PSMA1: variants seen among roughly 807,000 people sequenced by gnomAD.
The protein encoded by PSMA1 is proteasome subunit alpha type-1.
In PSMA1, 3 loss-of-function variants were observed where a neutral mutation model predicts 38.4. That is an observed-to-expected ratio of 0.08 (90% confidence interval 0.04 to 0.20). The LOEUF (loss-of-function observed/expected upper bound fraction) is 0.20. Among genes scored for constraint, PSMA1 ranks in the 10% least tolerant of loss-of-function variants. The pLI, the probability that PSMA1 is intolerant of heterozygous loss-of-function variation, is 1.00. For missense variants in PSMA1, 227 were observed against 325.3 expected, an observed-to-expected ratio of 0.70 and a Z score of 2.32; for synonymous variants, 101 against 107.1, an observed-to-expected ratio of 0.94 and a Z score of 0.35.
chr11:14,594,734 A>G (rs1308112800), intron 2 of PSMA1, among the ~76,000 whole-genome samples: 1 of 152,124 alleles, frequency 6.6e-6, no homozygotes, highest in Non-Finnish European at 1.5e-5. Flanking sequence ...ATATGGGTCT[A>G]CTTATGGGTT....
At chr11:14,614,517 C>T (rs887356429) in intron 1 of PSMA1, among the ~76,000 whole-genome samples, 2 of 152,108 alleles carry the variant, frequency 1.3e-5, no homozygotes, top group African/African-American at 4.8e-5. Context: ...TGTTAGTGAT[C>T]CATAGGCATA....
chr11:14,605,328 C>G (rs2134195753), intron 2 of PSMA1, among the ~76,000 whole-genome samples: 1 of 152,204 alleles, frequency 6.6e-6, no homozygotes, highest in South Asian at 2.1e-4. Flanking sequence ...TCATGTTTCC[C>G]AGCCACTTCT....
chr11:14,633,968 A>C (rs531899340), intron 1 of PSMA1, among the ~76,000 whole-genome samples: 1 of 152,144 alleles, frequency 6.6e-6, no homozygotes, highest in Non-Finnish European at 1.5e-5. Flanking sequence ...GCGCTTCCCA[A>C]GTGAGGCAAT....
At chr11:14,519,975 A>T in intron 1 of PSMA1, 1 of 414,480 alleles carries the variant, frequency 2.4e-6, no homozygotes, top group Non-Finnish European at 4.4e-6. Flanking sequence ...CCTCTCCCAT[A>T]CACAGCACTA....
At chr11:14,574,673 G>A (rs1056569859) in intron 2 of PSMA1, among the ~76,000 whole-genome samples, 1 of 152,104 alleles carries the variant, frequency 6.6e-6, no homozygotes, top group African/African-American at 2.4e-5. Flanking sequence ...GGCTTTTCCT[G>A]CTTTGGTCAG....
At chr11:14,612,031 G>C (rs1210675716) in intron 1 of PSMA1, among the ~76,000 whole-genome samples, 1 of 152,170 alleles carries the variant, frequency 6.6e-6, no homozygotes, top group East Asian at 1.9e-4. Context: ...CCCCAAAATT[G>C]TAAGTGCATC....
At chr11:14,641,596 T>G (rs988034378) in intron 1 of PSMA1, among the ~76,000 whole-genome samples, 1 of 152,210 alleles carries the variant, frequency 6.6e-6, no homozygotes, top group African/African-American at 2.4e-5. Flanking sequence ...ATTGAAAGAG[T>G]TGGGCTTGTA....
At chr11:14,510,053 G>C (rs1399320047) in intron 8 of PSMA1, among the ~76,000 whole-genome samples, 1 of 152,160 alleles carries the variant, frequency 6.6e-6, no homozygotes, top group Non-Finnish European at 1.5e-5. Context: ...CAAACAGAGT[G>C]ACTGTTTTAA....
intron 2 of PSMA1, among the ~76,000 whole-genome samples, chr11:14,599,062 G>A (rs575475124): frequency 6.6e-6 from 1 of 152,170 alleles, no homozygotes; most frequent in Admixed American, 6.5e-5. Flanking sequence ...GTTGAATATT[G>A]GCCCCCATTC....
At chr11:14,507,463 G>C (rs1851263651) in intron 9 of PSMA1, 193 bp downstream of exon 9, 2 of 503,556 alleles carry the variant, frequency 4.0e-6, no homozygotes, top group African/African-American at 2.0e-5. Flanking sequence ...ACCGCACCCG[G>C]CCCCCTTTTT....
intron 9 of PSMA1, 98 bp from the exon 10 acceptor site, chr11:14,505,346 G>A: frequency 9.8e-7 from 1 of 1,018,972 alleles, no homozygotes; most frequent in South Asian, 1.3e-5. Context: ...TTGAGAAAAA[G>A]GGGTAAAGAG....
At chr11:14,603,506 C>T (rs544914522) in intron 2 of PSMA1, among the ~76,000 whole-genome samples, 4 of 152,122 alleles carry the variant, frequency 2.6e-5, no homozygotes, top group South Asian at 4.1e-4. Flanking sequence ...TTATTGCACC[C>T]GATGAGTCCA....
intron 2 of PSMA1, among the ~76,000 whole-genome samples, chr11:14,556,896 A>C (rs1380453271): frequency 2.0e-5 from 3 of 152,166 alleles, no homozygotes; most frequent in African/African-American, 7.2e-5. Flanking sequence ...GGTACAGTGG[A>C]GCAATCATGG....
intron 2 of PSMA1, among the ~76,000 whole-genome samples, chr11:14,535,466 G>A (rs1431311736): frequency 1.4e-5 from 2 of 144,460 alleles, no homozygotes; most frequent in Admixed American, 7.0e-5. Flanking sequence ...TTTTTGAGAC[G>A]GAGTTTTGCT....
intron 2 of PSMA1, among the ~76,000 whole-genome samples, chr11:14,589,541 T>C (rs1852387796): frequency 6.6e-6 from 1 of 151,856 alleles, no homozygotes; most frequent in Non-Finnish European, 1.5e-5. Context: ...ATCTCTGTAC[T>C]GTTACTCCCC....
At chr11:14,583,706 A>T (rs1172334665) in intron 2 of PSMA1, among the ~76,000 whole-genome samples, 1 of 152,226 alleles carries the variant, frequency 6.6e-6, no homozygotes, top group African/African-American at 2.4e-5. Flanking sequence ...GTTAGGCAGC[A>T]ATTATAAAAG....
chr11:14,593,843 T>C (rs1565053295), intron 2 of PSMA1, among the ~76,000 whole-genome samples: 1 of 152,214 alleles, frequency 6.6e-6, no homozygotes, highest in African/African-American at 2.4e-5. Context: ...ATTCTCTTTC[T>C]TCCTCTTTTC....
At chr11:14,524,109 CAAAAAAAAAAA>C (rs71044009), upstream of PSMA1, among the ~76,000 whole-genome samples, 1 of 54,204 alleles carries the variant, frequency 1.8e-5, no homozygotes, top group East Asian at 6.0e-4. Flanking sequence ...GACCCTGTCT[CAAAAAAAAAAA>C]AAAAAAAAAA....
chr11:14,588,135 C>A (rs1030854019), intron 2 of PSMA1, among the ~76,000 whole-genome samples: 1 of 152,182 alleles, frequency 6.6e-6, no homozygotes, highest in Non-Finnish European at 1.5e-5. Context: ...ACAAGTGACA[C>A]CAACAGGTAC....
Sources: allele counts gnomAD v4.1 joint callset (sites outside exome capture counted in the v4.1 genomes callset), GRCh38; gene constraint gnomAD v4.1.1; transcripts MANE v1.5; gene names NCBI Gene and HGNC (gene_info 2026-07-23, HGNC 2026-07-21).